The following TNC variants were observed in gnomAD, a reference collection of about 807,000 sequenced individuals.
The protein encoded by TNC is tenascin C.
TNC carries 109 observed loss-of-function variants against 202.4 expected under a neutral mutation model. That is an observed-to-expected ratio of 0.54 (90% CI 0.46 to 0.63). TNC has a LOEUF of 0.63. Ranked by LOEUF, TNC falls within the 30% of genes least tolerant of loss-of-function variation. The probability of loss-of-function intolerance (pLI) is 0.00; values close to 1 mark genes in which losing one functional copy is unlikely to be tolerated. For missense variants in TNC, 2,756 were observed against 2,833.3 expected (o/e 0.97, Z 0.62); for synonymous variants, 1,007 against 1,089.7 (o/e 0.92, Z 1.50).
At chr9:115,099,372 C>T (rs1435419396) in intron 1 of TNC, among the ~76,000 whole-genome samples, 1 of 152,160 alleles carries the variant, frequency 6.6e-6, no homozygotes, top group East Asian at 1.9e-4. Context: ...ATGATAAATA[C>T]TAACATGGAC....
rs189984174 is a variant in TNC at position 115,073,739 on chromosome 9, C to G, written c.3078G>C (p.Trp1026Cys). The G allele has an allele frequency of 6.2e-7, 1 of 1,614,174 alleles. No individual in the cohort carries two copies. The highest frequency in any genetic ancestry group is 2.2e-5 in the East Asian group (1 of 44,880). ...RLNYSLPTGQ[W>C]VGVQLPRNTT... The stretch of plus-strand genomic sequence containing the variant: ...TGTTTCTTGGAAGCTGCACTCCCAC[C>G]CACTGGCCTGTGGGGAGACTGTAAT... The change falls in exon 10 of 28, where the codon TGG becomes TGC. Residue 1026 changes from tryptophan (W) to cysteine (C), a missense_variant. By Grantham distance (215) the Trp-to-Cys change is radical (BLOSUM62 -2). Around this residue, in one of 2 missense-constraint regions of TNC, gnomAD observed 2,559 missense variants for 2,546.0 expected, o/e 1.01. Coordinates refer to ENST00000350763, the MANE Select transcript of TNC (RefSeq NM_002160.4).
chr9:115,032,122 G>A (rs372190283), intron 22 of TNC, among the ~76,000 whole-genome samples: 1 of 151,264 alleles, frequency 6.6e-6, no homozygotes, highest in Non-Finnish European at 1.5e-5. Flanking sequence ...TGTGAAGGGG[G>A]TTTTTTTTTG....
At chr9:115,060,968 T>C (rs969911699) in intron 13 of TNC, among the ~76,000 whole-genome samples, 16 of 152,168 alleles carry the variant, frequency 1.1e-4, no homozygotes, top group Non-Finnish European at 2.1e-4. Flanking sequence ...CCACTATTAC[T>C]GCTTCTACAA....
At chr9:115,031,835 C>G in intron 22 of TNC, 150 bp from the exon 23 acceptor site, 1 of 931,472 alleles carries the variant, frequency 1.1e-6, no homozygotes, top group Non-Finnish European at 1.6e-6. Context: ...CTACCAGGCT[C>G]CATGTGCACT....
rs749220451 is a variant in TNC, at chr9:115,036,388, C to T, written c.5513-147G>A. On this transcript the variant is annotated intron_variant, in intron 20 of 27. Coordinates refer to ENST00000350763, the MANE Select transcript of TNC (RefSeq NM_002160.4). ...CAGGTCTGATTTCTGAAATGACTCACGCTCTCTTTCTCTCTCTTGAGCACT... is the reference window on the plus strand; with the variant it reads ...CAGGTCTGATTTCTGAAATGACTCATGCTCTCTTTCTCTCTCTTGAGCACT... 72 of 864,216 alleles carry T rather than the reference C, an allele frequency of 8.3e-5. 1 individual carries two copies. Among genetic ancestry groups the T allele is most frequent in the East Asian group, 1.7e-4 (7 of 40,250 alleles). 53.5% of individuals were successfully genotyped at this position (864,216 alleles called of 1,614,324 possible).
At chr9:115,080,604 C>T (rs1834229761) in intron 6 of TNC, among the ~76,000 whole-genome samples, 2 of 152,140 alleles carry the variant, frequency 1.3e-5, no homozygotes. Flanking sequence ...CAAAATTATG[C>T]ATTTTTTTCT....
chr9:115,086,210 G>A lies in TNC; in HGVS notation c.1521C>T (p.Asn507=), dbSNP rs755135737. ...RDRQCPRDCS[N]RGLCVDGQCV... ...ACTGTCCGTCCACACAGAGGCCCCT[G>A]TTGCTGCAGTCCCTGGGGCATTGGC... Residue 507 remains asparagine, a synonymous_variant, in exon 3 of 28, where the codon AAC becomes AAT. Transcript: ENST00000350763. 3.1e-6 allele frequency: 5 copies of A among 1,614,086 alleles called. No individual in the cohort carries two copies. The South Asian group carries it at 5.5e-5, about 18-fold the overall frequency.
At position 115,086,649 on chromosome 9, in the gene TNC, C is replaced by G; in HGVS notation, c.1082G>C (p.Cys361Ser). The G allele has an allele frequency of 6.2e-7, 1 of 1,614,204 alleles. No individual in the cohort carries two copies. The highest frequency in any genetic ancestry group is 8.5e-7 in the Non-Finnish European group (1 of 1,180,040). ...ACCGGCAAAGCCCTCATCACATACA[C>G]ACTGCCCCTCCTCACACCGGCCCTG... ...HTQGRCEEGQCVCDEGFAGVD... is the reference protein window; with the variant it reads ...HTQGRCEEGQSVCDEGFAGVD... The change falls in exon 3 of 28, where the codon TGT (cysteine) becomes TCT (serine). Residue 361 changes from cysteine (C) to serine (S), a missense_variant. Cys to Ser is a moderately radical substitution (Grantham distance 112, BLOSUM62 -1). Transcript: ENST00000350763.
intron 5 of TNC, 23 bp downstream of exon 5, chr9:115,082,669 A>T (rs746019296): frequency 2.0e-6 from 3 of 1,508,964 alleles, no homozygotes; most frequent in Admixed American, 3.3e-5. Context: ...GATCAAATGG[A>T]TCTGCTCTTT....
At position 115,063,194 on chromosome 9, in the gene TNC, AT is replaced by A; in HGVS notation, c.3761-6del. On this transcript the variant is annotated splice_polypyrimidine_tract_variant and splice_region_variant and intron_variant, in intron 12 of 27. Transcript: ENST00000350763. ...TTCCCATATCTGGAACCTCCTCTGC[AT>A]AAGGACACAGAGTTGCTGAGTTACT... 6.2e-7 allele frequency: 1 copy of A among 1,613,286 alleles called. No individual in the cohort carries two copies. The highest frequency in any genetic ancestry group is 8.5e-7 in the Non-Finnish European group (1 of 1,179,298).
chr9:115,033,998 T>C (rs1830134842), intron 22 of TNC, among the ~76,000 whole-genome samples: 1 of 151,834 alleles, frequency 6.6e-6, no homozygotes, highest in Non-Finnish European at 1.5e-5. Flanking sequence ...CAATGTGGAG[T>C]GTGGTTGAAC....
At chr9:115,113,498 C>G (rs10982542) in intron 1 of TNC, among the ~76,000 whole-genome samples, 6,967 of 152,266 alleles carry the variant, frequency 0.046, 211 homozygotes, top group Middle Eastern at 0.14. Flanking sequence ...CCTAGGAGAA[C>G]ATTTCAGACA....
In TNC at chr9:115,117,318, G is replaced by A. The variant is rs1837541991; in HGVS notation, c.-137+664C>T. ...TGTGATGAGAGGTGAGGAGGAGGAG[G>A]TGATTCTAGAGACATGTGGGACGCT... On this transcript the variant is annotated intron_variant, in intron 1 of 27. Coordinates refer to ENST00000350763, the MANE Select transcript of TNC (RefSeq NM_002160.4). Among the ~76,000 whole-genome samples, 2 of 152,114 alleles carry A rather than the reference G, an allele frequency of 1.3e-5. 1 individual carries two copies. The highest frequency in any genetic ancestry group is 1.3e-4 in the Admixed American group (2 of 15,266).
intron 5 of TNC, 139 bp from the exon 6 acceptor site, chr9:115,082,067 TATGTA>T: frequency 2.6e-6 from 2 of 756,680 alleles, no homozygotes; most frequent in Non-Finnish European, 4.1e-6. Flanking sequence ...ATCAGATCAG[TATGTA>T]AGCTACTGAG....
intron 25 of TNC, among the ~76,000 whole-genome samples, chr9:115,028,803 T>C (rs1276631692): frequency 6.6e-6 from 1 of 151,832 alleles, no homozygotes. Context: ...TTGACCATTC[T>C]CTTTTTTGTC....
At chr9:115,062,328 A>T (rs535039711) in intron 13 of TNC, among the ~76,000 whole-genome samples, 1 of 152,102 alleles carries the variant, frequency 6.6e-6, no homozygotes, top group Non-Finnish European at 1.5e-5. Context: ...GAATAGAGGT[A>T]GGGCACGCTG....
intron 15 of TNC, among the ~76,000 whole-genome samples, chr9:115,056,354 A>G (rs1234483239): frequency 6.6e-6 from 1 of 152,226 alleles, no homozygotes; most frequent in Admixed American, 6.5e-5. Context: ...ATGTAGCATT[A>G]GAAAGGGGGG....
intron 4 of TNC, 98 bp from the exon 5 acceptor site, chr9:115,082,905 A>T (rs1834415002): frequency 8.8e-6 from 7 of 791,524 alleles, no homozygotes; most frequent in Admixed American, 2.0e-5. Flanking sequence ...TGTCTGCAAC[A>T]GTCAGGGGCT....
At position 115,021,046 on chromosome 9, in the gene TNC, C is replaced by T; in HGVS notation, c.*111G>A. ...GGGATCCATGGTCAGCTTTGACTCT[C>T]ACCAAATGCCCAGGTGTGGACCGAT... On this transcript the variant is annotated 3_prime_UTR_variant, in exon 28 of 28. Coordinates refer to ENST00000350763, the MANE Select transcript of TNC (RefSeq NM_002160.4). 2 of 847,172 alleles carry T rather than the reference C, an allele frequency of 2.4e-6. No homozygotes were observed. Among genetic ancestry groups the T allele is most frequent in the Non-Finnish European group, 3.7e-6 (2 of 538,716 alleles). 52.5% of individuals were successfully genotyped at this position (847,172 alleles called of 1,614,324 possible). A position where few individuals can be genotyped will look rare whatever the true frequency, so the allele number is the denominator to read the frequency against.
Sources: gnomAD v4.1 joint callset for allele counts (sites outside exome capture counted in the v4.1 genomes callset) on GRCh38, gnomAD v4.1.1 for gene constraint, gnomAD v4.1.1 regional missense constraint, MANE v1.5 for transcripts, NCBI Gene and HGNC (gene_info 2026-07-23, HGNC 2026-07-21) for gene names.